The following PDXDC1 variants were observed in gnomAD, a reference collection of about 807,000 sequenced individuals.
The protein encoded by PDXDC1 is pyridoxal-dependent decarboxylase domain-containing protein 1.
A neutral mutation model predicts 100.1 loss-of-function variants in PDXDC1; 42 were observed. That is an observed-to-expected ratio of 0.42 (90% confidence interval 0.33 to 0.54). PDXDC1 has a LOEUF of 0.54. Among genes scored for constraint, PDXDC1 ranks in the 20% least tolerant of loss-of-function variants. The probability of loss-of-function intolerance (pLI) is 0.10; values close to 1 mark genes in which losing one functional copy is unlikely to be tolerated. For missense variants in PDXDC1, 636 were observed against 979.2 expected (o/e 0.65, Z 4.68); for synonymous variants, 260 against 371.7 (o/e 0.70, Z 3.46).
chr16:15,079,148 A>G lies in PDXDC1; in HGVS notation c.1399+49092A>G, dbSNP rs10153160. Among the ~76,000 whole-genome samples, 812 of 139,820 alleles carry G rather than the reference A, an allele frequency of 5.8e-3. 7 individuals are homozygous for G. The highest frequency in any genetic ancestry group is 0.019 in the African/African-American group (759 of 39,818). The allele number at this position is 139,820 out of a possible 152,430, so 91.7% of individuals were successfully genotyped here. A position where few individuals can be genotyped will look rare whatever the true frequency, so the allele number is the denominator to read the frequency against. On this transcript the variant is annotated intron_variant, in intron 16 of 16. Transcript: ENST00000535621. ...TCTAACTACCATTAATGGCAACACC[A>G]AGATTCAATTCCACAGGGAGCAAAG...
intron 16 of PDXDC1, among the ~76,000 whole-genome samples, chr16:15,102,029 G>C (rs1444633745): frequency 6.6e-6 from 1 of 152,034 alleles, no homozygotes; most frequent in African/African-American, 2.4e-5. Context: ...TGTATTTTTG[G>C]TAGAGACAGG....
Position 15,081,969 on chromosome 16 carries a change from C to T in PDXDC1, c.1399+51913C>T, listed in dbSNP as rs377597744. On this transcript the variant is annotated intron_variant, in intron 16 of 16. Transcript: ENST00000535621. ...GTTAGTGTATGTTAGTCTTCTGTCCCGTAACCATGCTGAACTCATTTATTA... is the reference window on the plus strand; with the variant it reads ...GTTAGTGTATGTTAGTCTTCTGTCCTGTAACCATGCTGAACTCATTTATTA... 6.6e-5 allele frequency among the ~76,000 whole-genome samples: 10 copies of T among 152,250 alleles called. No homozygotes were observed. The East Asian group carries it at 7.7e-4, about 12-fold the overall frequency.
the PDXDC1 span, among the ~76,000 whole-genome samples, chr16:15,149,410 T>C: frequency 1.6e-4 from 25 of 152,310 alleles, no homozygotes; most frequent in Non-Finnish European, 2.4e-4. Flanking sequence ...CCCTAGTCCT[T>C]GCTCTCAGGA....
chr16:15,030,159 T>C, intron 16 of PDXDC1, 103 bp downstream of exon 16: 1 of 934,354 alleles, frequency 1.1e-6, no homozygotes, highest in Non-Finnish European at 1.6e-6. Context: ...TTAGCAGCTC[T>C]TTTTGGAGGG....
At chr16:15,094,407 T>A in intron 16 of PDXDC1, 1 of 638,148 alleles carries the variant, frequency 1.6e-6, no homozygotes, top group Admixed American at 2.9e-5. Flanking sequence ...CCGCTCCTCG[T>A]TCTACTTGGA....
At chr16:15,083,503 G>C (rs2045789119) in intron 16 of PDXDC1, 1 of 1,608,920 alleles carries the variant, frequency 6.2e-7, no homozygotes, top group Non-Finnish European at 8.5e-7. Flanking sequence ...TCAATGAAAA[G>C]ATTTCTTACC....
intron 16 of PDXDC1, among the ~76,000 whole-genome samples, chr16:15,076,966 C>A (rs1241841907): frequency 1.4e-5 from 2 of 146,962 alleles, no homozygotes; most frequent in African/African-American, 4.9e-5. Flanking sequence ...GGCTCTGTGT[C>A]CCCACCCAAA....
At chr16:15,087,747 A>C (rs2151818019) in intron 16 of PDXDC1, among the ~76,000 whole-genome samples, 1 of 152,348 alleles carries the variant, frequency 6.6e-6, no homozygotes. Context: ...AAATAAAATA[A>C]ACTATCCTAT....
At chr16:15,059,734 T>G (rs1184937773) in intron 16 of PDXDC1, among the ~76,000 whole-genome samples, 4 of 152,190 alleles carry the variant, frequency 2.6e-5, no homozygotes, top group Admixed American at 2.0e-4. Context: ...TTCACAGTAT[T>G]TTTCCCCATA....
intron 19 of PDXDC1, 58 bp from the exon 20 acceptor site, chr16:15,034,228 C>T (rs2043254065): frequency 2.7e-6 from 4 of 1,485,202 alleles, no homozygotes; most frequent in African/African-American, 1.4e-5. Context: ...GTTACTAGCT[C>T]TTCTGGGCCC....
chr16:15,142,815 C>T (rs1360718894), downstream of PDXDC1, among the ~76,000 whole-genome samples: 3 of 151,910 alleles, frequency 2.0e-5, no homozygotes, highest in Non-Finnish European at 2.9e-5. Flanking sequence ...CCTGCCCCCA[C>T]GTTCTGGTTC....
rs1219497756 is a variant in PDXDC1, at chr16:15,135,322, G to A, written c.1400-3557G>A. The A allele has an allele frequency of 1.2e-5, 18 of 1,534,014 alleles. 1 individual carries two copies. The highest frequency in any genetic ancestry group is 9.5e-5 in the South Asian group (8 of 83,810). On this transcript the variant is annotated intron_variant, in intron 16 of 16. Transcript: ENST00000535621. ...CCTCCTTGCGGCCGGCCTTCCACAC[G>A]GTGAGGCTGAAGGTGTACTCCACGC...
chr16:15,022,829 CT>C, intron 13 of PDXDC1, 75 bp downstream of exon 13: 1 of 1,172,614 alleles, frequency 8.5e-7, no homozygotes, highest in Non-Finnish European at 1.2e-6. Context: ...GATTTTAGAA[CT>C]TTAGAATGAT....
At chr16:15,134,585 G>A (rs2048262356) in intron 16 of PDXDC1, among the ~76,000 whole-genome samples, 1 of 46,576 alleles carries the variant, frequency 2.1e-5, no homozygotes, top group African/African-American at 4.7e-5. Context: ...GAGCCAGCTG[G>A]ACCCTGACAG....
chr16:15,025,481 A>T (rs1295601189), intron 13 of PDXDC1: 1 of 152,532 alleles, frequency 6.6e-6, no homozygotes, highest in Non-Finnish European at 1.5e-5. Context: ...TGAAAGTTAA[A>T]GATGATAGAT....
chr16:15,096,720 T>C (rs1662012393), intron 16 of PDXDC1, among the ~76,000 whole-genome samples: 1 of 152,282 alleles, frequency 6.6e-6, no homozygotes, highest in Non-Finnish European at 1.5e-5. Context: ...TCTCATTGTC[T>C]AGCCCAAGTT....
chr16:15,094,419 G>A (rs2046275698), intron 16 of PDXDC1: 3 of 623,224 alleles, frequency 4.8e-6, no homozygotes, highest in Non-Finnish European at 5.7e-6. Flanking sequence ...CTACTTGGAG[G>A]ACTTGTTCCA....
intron 15 of PDXDC1, chr16:15,029,383 C>G: frequency 2.2e-6 from 1 of 459,070 alleles, no homozygotes; most frequent in Non-Finnish European, 3.8e-6. Context: ...GGATTTGAGT[C>G]TGAAGGGTCT....
intron 1 of PDXDC1, among the ~76,000 whole-genome samples, chr16:14,997,209 G>C (rs1325223763): frequency 6.6e-6 from 1 of 152,210 alleles, no homozygotes; most frequent in African/African-American, 2.4e-5. Context: ...TTTTGGATGG[G>C]AGATAGGTGT....
Sources: allele counts gnomAD v4.1 joint callset (sites outside exome capture counted in the v4.1 genomes callset), GRCh38; gene constraint gnomAD v4.1.1; transcripts MANE v1.5; gene names NCBI Gene and HGNC (gene_info 2026-07-23, HGNC 2026-07-21).